Variants in BCL11B observed in about 807,000 individuals in gnomAD.
BCL11B encodes B-cell lymphoma/leukemia 11B.
In BCL11B, 8 loss-of-function variants were observed where a neutral mutation model predicts 49.9. The ratio of observed to expected loss-of-function variants is 0.16; its 90% CI spans 0.09 to 0.29. The LOEUF (loss-of-function observed/expected upper bound fraction) is 0.29. Ranked by LOEUF, BCL11B falls within the 10% of genes least tolerant of loss-of-function variation. The pLI, the probability that BCL11B is intolerant of heterozygous loss-of-function variation, is 1.00. For missense variants in BCL11B, 1,006 were observed against 1,351.0 expected, an observed-to-expected ratio of 0.74 and a Z score of 4.00; for synonymous variants, 739 against 637.4, an observed-to-expected ratio of 1.16 and a Z score of -2.40.
At position 99,174,741 on chromosome 14, in the gene BCL11B, C is replaced by T. The variant is rs1204919860; in HGVS notation, c.2095G>A (p.Ala699Thr). The T allele has an allele frequency of 4.6e-6, 7 of 1,525,682 alleles. No homozygotes were observed. Among genetic ancestry groups the T allele is most frequent in the Admixed American group, 2.0e-5 (1 of 50,892 alleles). The allele number at this position is 1,525,682 out of a possible 1,614,324, so 94.5% of individuals were successfully genotyped here. A position where few individuals can be genotyped will look rare whatever the true frequency, so the allele number is the denominator to read the frequency against. ...ACGTTCTCGGACGGGATGAGCGCGG[C>T]GGGCGGCAGCTCCAGGTCCTTCTCC... ...KVEKDLELPP[A>T]ALIPSENVYS... is the part of the protein sequence containing the mutation. The change falls in exon 4 of 4, where the codon GCC (alanine) becomes ACC (threonine). Residue 699 changes from alanine (A) to threonine (T), a missense_variant. This residue lies in a region of BCL11B where 443 missense variants were observed against 499.7 expected (regional missense o/e 0.89). Coordinates refer to ENST00000357195, the MANE Select transcript of BCL11B (RefSeq NM_138576.4).
chr14:99,204,569 T>C (rs1271759824), intron 3 of BCL11B, among the ~76,000 whole-genome samples: 2 of 152,074 alleles, frequency 1.3e-5, no homozygotes, highest in African/African-American at 4.8e-5. Flanking sequence ...CACCCCACAT[T>C]GCTCCACCAG....
intron 3 of BCL11B, among the ~76,000 whole-genome samples, chr14:99,220,019 A>G (rs1227594426): frequency 6.6e-6 from 1 of 152,164 alleles, no homozygotes; most frequent in Non-Finnish European, 1.5e-5. Context: ...AACTTGGACC[A>G]GTTGTTGCCA....
At chr14:99,203,627 T>C (rs1887449465) in intron 3 of BCL11B, among the ~76,000 whole-genome samples, 1 of 152,170 alleles carries the variant, frequency 6.6e-6, no homozygotes, top group African/African-American at 2.4e-5. Context: ...AAGGAGTTCA[T>C]TCATTCACTC....
At chr14:99,246,929 G>A (rs911921351) in intron 2 of BCL11B, among the ~76,000 whole-genome samples, 9 of 152,118 alleles carry the variant, frequency 5.9e-5, no homozygotes, top group Admixed American at 2.0e-4. Context: ...GGCAGGTGGC[G>A]CCCAGAGGTT....
chr14:99,245,865 T>C (rs888804615), intron 2 of BCL11B, among the ~76,000 whole-genome samples: 4 of 151,562 alleles, frequency 2.6e-5, no homozygotes, highest in Non-Finnish European at 4.4e-5. Flanking sequence ...CCTCCATCCA[T>C]CTCCGCCGGC....
intron 3 of BCL11B, among the ~76,000 whole-genome samples, chr14:99,224,693 G>A (rs888439526): frequency 1.3e-5 from 2 of 152,190 alleles, no homozygotes; most frequent in African/African-American, 4.8e-5. Context: ...CATGGGACCT[G>A]CCAGTAGAGG....
chr14:99,199,701 TGCACGTGTGTGC>T (rs1566806802), intron 3 of BCL11B, among the ~76,000 whole-genome samples: 7 of 64,846 alleles, frequency 1.1e-4, no homozygotes, highest in East Asian at 3.1e-4. Flanking sequence ...CGCGCGCACG[TGCACGTGTGTGC>T]GTGTGTGCAT....
rs532702361 is a variant in BCL11B, at chr14:99,192,550, G to A, written c.641-16355C>T. On this transcript the variant is annotated intron_variant, in intron 3 of 3. Coordinates refer to ENST00000357195, the MANE Select transcript of BCL11B (RefSeq NM_138576.4). This position sits in a 1 kb window ranked among gnomAD's most constrained non-coding sequence, Gnocchi z 4.0. ...GCCACACACACCCAGGCCCAGCCCC[G>A]CTGCCTCCTCTACCCTCCTGCTGTC... 2.6e-5 allele frequency among the ~76,000 whole-genome samples: 4 copies of A among 152,246 alleles called. No homozygotes were observed. Among genetic ancestry groups the A allele is most frequent in the African/African-American group, 9.6e-5 (4 of 41,546 alleles).
At chr14:99,251,806 G>A (rs368501987) in intron 2 of BCL11B, among the ~76,000 whole-genome samples, 2 of 152,052 alleles carry the variant, frequency 1.3e-5, no homozygotes, top group Non-Finnish European at 2.9e-5. Flanking sequence ...GGTGGTGCCC[G>A]CCATCAAGGC....
Position 99,171,219 on chromosome 14 carries a change from A to G in BCL11B, c.*2932T>C, listed in dbSNP as rs1214015768. The stretch of plus-strand genomic sequence containing the variant: ...CACGAACGGTTCTCTGTGTAGGCCA[A>G]TTCCGACAAAAAATATATACAACTA... On this transcript the variant is annotated 3_prime_UTR_variant, in exon 4 of 4. Transcript: ENST00000357195. 4.4e-6 allele frequency: 1 copy of G among 228,282 alleles called. No individual in the cohort carries two copies. The highest frequency in any genetic ancestry group is 2.2e-5 in the African/African-American group (1 of 45,030). The allele number at this position is 228,282 out of a possible 1,614,324, so 14.1% of individuals were successfully genotyped here.
chr14:99,255,128 G>A (rs969142182), intron 2 of BCL11B, among the ~76,000 whole-genome samples: 1 of 152,146 alleles, frequency 6.6e-6, no homozygotes, highest in African/African-American at 2.4e-5. Context: ...CAGGGAAATA[G>A]GAGGAATGGG....
At position 99,271,320 on chromosome 14, in the gene BCL11B, C is replaced by CGCCGCCGCCGCCGCT; in HGVS notation, c.-103_-102insAGCGGCGGCGGCGGC. 2 of 745,820 alleles carry CGCCGCCGCCGCCGCT rather than the reference C, an allele frequency of 2.7e-6. No homozygotes were observed. Among genetic ancestry groups the CGCCGCCGCCGCCGCT allele is most frequent in the Non-Finnish European group, 3.6e-6 (2 of 559,996 alleles). 46.2% of individuals were successfully genotyped at this position (745,820 alleles called of 1,614,324 possible). ...GCCGCGCCGCTGCCGCCGCTGCCGC[C>CGCCGCCGCCGCCGCT]GCCGCCGCCGCCGCCGCACCTCCTC... On this transcript the variant is annotated 5_prime_UTR_variant, in exon 1 of 4. Transcript: ENST00000357195.
chr14:99,251,852 C>A (rs1889017965), intron 2 of BCL11B, among the ~76,000 whole-genome samples: 1 of 152,162 alleles, frequency 6.6e-6, no homozygotes, highest in Admixed American at 6.5e-5. Flanking sequence ...GAATACCCAT[C>A]CCCAAAATCC....
intron 1 of BCL11B, among the ~76,000 whole-genome samples, chr14:99,258,651 GGAAGCAGGCTCTCCTGCCAAGCACCC>G (rs1287417639): frequency 2.0e-5 from 3 of 152,148 alleles, no homozygotes; most frequent in Non-Finnish European, 4.4e-5. Context: ...TGCAGAGTCG[GGAAGCAGGCTCTCCTGCCAAGCACCC>G]GAGGCCCGGT....
intron 3 of BCL11B, among the ~76,000 whole-genome samples, chr14:99,207,016 ACTCT>A (rs1887551623): frequency 6.6e-6 from 1 of 152,128 alleles, no homozygotes; most frequent in African/African-American, 2.4e-5. Flanking sequence ...TTGATCCAAA[ACTCT>A]CTATGCTGAA....
intron 3 of BCL11B, among the ~76,000 whole-genome samples, chr14:99,210,482 C>A (rs1887655735): frequency 6.6e-6 from 1 of 152,072 alleles, no homozygotes; most frequent in African/African-American, 2.4e-5. Flanking sequence ...AGGTTTTCTC[C>A]AGGGAGAAAT....
At chr14:99,221,602 G>A (rs368590618) in intron 3 of BCL11B, among the ~76,000 whole-genome samples, 3 of 152,260 alleles carry the variant, frequency 2.0e-5, no homozygotes, top group African/African-American at 4.8e-5. Context: ...AGGACCAGAC[G>A]CAAGGACAGG....
rs369002609 is a variant in BCL11B at position 99,249,561 on chromosome 14, C to T, written c.427+7910G>A. On this transcript the variant is annotated intron_variant, in intron 2 of 3. Transcript: ENST00000357195. Reference sequence around the variant, plus strand: ...CAAAATGAAAGGAATACCTGATTTACCACCCTCGTGGGGCAGAGAGGTGGA... The same window carrying T: ...CAAAATGAAAGGAATACCTGATTTATCACCCTCGTGGGGCAGAGAGGTGGA... Among the ~76,000 whole-genome samples, 110 of 152,324 alleles carry T rather than the reference C, an allele frequency of 7.2e-4. 1 individual carries two copies. The South Asian group carries it at 0.022, about 31-fold the overall frequency.
intron 3 of BCL11B, among the ~76,000 whole-genome samples, chr14:99,190,914 G>GT (rs977194911): frequency 4.6e-5 from 7 of 151,668 alleles, no homozygotes; most frequent in Non-Finnish European, 1.0e-4. Context: ...ACACGGGGGG[G>GT]GTCACCCTCA....
Sources: gnomAD v4.1 joint callset for allele counts (sites outside exome capture counted in the v4.1 genomes callset) on GRCh38, gnomAD v4.1.1 for gene constraint, gnomAD v4.1.1 regional missense constraint, Gnocchi (gnomAD v3.1) non-coding constraint, MANE v1.5 for transcripts, NCBI Gene and HGNC (gene_info 2026-07-23, HGNC 2026-07-21) for gene names.